AGBL1: variants seen among roughly 807,000 people sequenced by gnomAD.
AGBL1 encodes cytosolic carboxypeptidase 4.
Under a neutral mutation model 118.9 loss-of-function variants are expected in AGBL1, and 130 were observed. The observed-to-expected ratio is 1.09, with a 90% CI of 0.95 to 1.26. The LOEUF (loss-of-function observed/expected upper bound fraction) is 1.26, where lower values mean the gene tolerates loss of function less well. Ranked by LOEUF, AGBL1 falls within the 50% of genes most tolerant of loss-of-function variation. AGBL1 has a pLI of 0.00. For missense variants in AGBL1, 1,584 were observed against 1,298.1 expected, an observed-to-expected ratio of 1.22 and a Z score of -3.38; for synonymous variants, 555 against 478.9, an observed-to-expected ratio of 1.16 and a Z score of -2.08.
At chr15:86,829,675 G>A (rs2079076894) in intron 22 of AGBL1, among the ~76,000 whole-genome samples, 1 of 152,170 alleles carries the variant, frequency 6.6e-6, no homozygotes, top group Non-Finnish European at 1.5e-5. Flanking sequence ...TAGGATTCTG[G>A]AAGAAATTAA....
chr15:86,914,427 A>T lies in AGBL1; in HGVS notation c.*7133A>T, dbSNP rs541669006. 1 of 152,160 alleles carries T rather than the reference A, an allele frequency of 6.6e-6. No homozygotes were observed. The highest frequency in any genetic ancestry group is 1.5e-5 in the Non-Finnish European group (1 of 68,024). The allele number at this position is 152,160 out of a possible 1,614,324, so 9.4% of individuals were successfully genotyped here. On this transcript the variant is annotated 3_prime_UTR_variant, in exon 23 of 23. Transcript: ENST00000614907. ...ATGAAGTGCACCCATACTTAAAGAG[A>T]CACGTTTAGTAAATGATAGAGCTGG... is the stretch of plus-strand genomic sequence containing the variant.
chr15:86,522,197 A>G (rs1383406446), intron 18 of AGBL1, among the ~76,000 whole-genome samples: 2 of 152,284 alleles, frequency 1.3e-5, no homozygotes, highest in African/African-American at 4.8e-5. Context: ...CTAATATACC[A>G]TGATGATATA....
intron 21 of AGBL1, among the ~76,000 whole-genome samples, chr15:86,560,324 G>A (rs1321139004): frequency 7.1e-6 from 1 of 140,088 alleles, no homozygotes; most frequent in Non-Finnish European, 1.5e-5. Context: ...GGTGTGTGAT[G>A]TTCCCCTTCC....
chr15:86,257,993 G>A lies in AGBL1; in HGVS notation c.931G>A (p.Val311Met). Residue 311 changes from valine (V) to methionine (M), a missense_variant, in exon 9 of 23, where the codon GTG (valine) becomes ATG (methionine). Val to Met is a conservative substitution (Grantham distance 21). Coordinates refer to ENST00000614907, the MANE Select transcript of AGBL1 (RefSeq NM_001386094.1). ...EDFEDDGDDEVDKDSDTEDGK... is the reference protein window; with the variant it reads ...EDFEDDGDDEMDKDSDTEDGK... ...TTTTGAAGATGATGGCGATGATGAAGTGGACAAAGACTCTGATACTGAAGA... is the reference window on the plus strand; with the variant it reads ...TTTTGAAGATGATGGCGATGATGAAATGGACAAAGACTCTGATACTGAAGA... The A allele has an allele frequency of 6.2e-7, 1 of 1,613,786 alleles. No homozygotes were observed. The highest frequency in any genetic ancestry group is 1.7e-5 in the Admixed American group (1 of 59,956).
chr15:86,756,229 G>A (rs2077937784), intron 22 of AGBL1, among the ~76,000 whole-genome samples: 2 of 150,744 alleles, frequency 1.3e-5, no homozygotes, highest in Admixed American at 1.3e-4. Flanking sequence ...TGAAATTCCA[G>A]TAGTGCCCCC....
chr15:86,928,197 T>C (rs925055836), intron 23 of AGBL1, among the ~76,000 whole-genome samples: 1 of 152,172 alleles, frequency 6.6e-6, no homozygotes, highest in African/African-American at 2.4e-5. Context: ...AAGAACAATA[T>C]GCAAACTCAA....
At chr15:86,634,079 C>T (rs1394353397) in intron 21 of AGBL1, among the ~76,000 whole-genome samples, 4 of 151,816 alleles carry the variant, frequency 2.6e-5, no homozygotes, top group South Asian at 2.1e-4. Flanking sequence ...TTGGCAAGGA[C>T]GTGGGGAAAT....
At chr15:86,358,125 T>C (rs1485727868) in intron 17 of AGBL1, among the ~76,000 whole-genome samples, 2 of 152,088 alleles carry the variant, frequency 1.3e-5, no homozygotes, top group Non-Finnish European at 2.9e-5. Flanking sequence ...ACAGTGGGTA[T>C]TCAGAATTTA....
intron 23 of AGBL1, among the ~76,000 whole-genome samples, chr15:86,969,606 T>G (rs2081087622): frequency 6.6e-6 from 1 of 152,030 alleles, no homozygotes; most frequent in Non-Finnish European, 1.5e-5. Context: ...CGTGGGAATG[T>G]GTATGTGGGC....
At chr15:86,750,536 C>G (rs1442148479) in intron 22 of AGBL1, among the ~76,000 whole-genome samples, 3 of 151,796 alleles carry the variant, frequency 2.0e-5, no homozygotes, top group African/African-American at 7.3e-5. Context: ...GAAAAACAAT[C>G]CTGGCAGGAA....
chr15:86,158,138 C>A (rs1415236220), intron 4 of AGBL1, among the ~76,000 whole-genome samples: 1 of 152,176 alleles, frequency 6.6e-6, no homozygotes, highest in Non-Finnish European at 1.5e-5. Flanking sequence ...ACTTCATGTA[C>A]TAGCCTCAGG....
intron 19 of AGBL1, among the ~76,000 whole-genome samples, chr15:86,528,844 G>T (rs1196724890): frequency 1.0e-4 from 2 of 19,896 alleles, no homozygotes; most frequent in Non-Finnish European, 1.8e-4. Flanking sequence ...CCCAGCAGGG[G>T]CACACTGACA....
At chr15:86,964,923 C>CTTT (rs2081034277) in intron 23 of AGBL1, among the ~76,000 whole-genome samples, 1 of 151,988 alleles carries the variant, frequency 6.6e-6, no homozygotes, top group Non-Finnish European at 1.5e-5. Context: ...AGAATAATGG[C>CTTT]TTACAGCTTC....
In AGBL1 at chr15:86,221,362, G is replaced by T. The variant is rs183975634; in HGVS notation, c.489-3552G>T. On this transcript the variant is annotated intron_variant, in intron 5 of 22. Transcript: ENST00000614907. ...TCACGCACTCAATACAATGGGCTTG[G>T]CTCTTGGAGTGGAAGTAACTGAATG... 2.6e-5 allele frequency among the ~76,000 whole-genome samples: 4 copies of T among 152,340 alleles called. No individual in the cohort carries two copies. In the East Asian group the frequency reaches 7.7e-4, roughly 29 times the overall value.
At chr15:86,267,230 C>T (rs978128037) in intron 13 of AGBL1, among the ~76,000 whole-genome samples, 154 bp downstream of exon 13, 2 of 152,062 alleles carry the variant, frequency 1.3e-5, no homozygotes, top group Non-Finnish European at 2.9e-5. Flanking sequence ...GCAAACAGTA[C>T]GAGTGAAGGT....
chr15:86,651,046 T>A (rs1567103616), intron 21 of AGBL1, among the ~76,000 whole-genome samples: 1 of 152,218 alleles, frequency 6.6e-6, no homozygotes, highest in Non-Finnish European at 1.5e-5. Flanking sequence ...CACTGAAGTG[T>A]CTTTAAGACA....
At chr15:86,119,633 G>A (rs1897970359) in intron 1 of AGBL1, among the ~76,000 whole-genome samples, 1 of 151,236 alleles carries the variant, frequency 6.6e-6, no homozygotes, top group Non-Finnish European at 1.5e-5. Context: ...AAAAATGGAA[G>A]AGCATATCTC....
chr15:86,764,169 A>G (rs16977962), intron 22 of AGBL1, among the ~76,000 whole-genome samples: 1,535 of 152,072 alleles, frequency 0.01, 36 homozygotes, highest in African/African-American at 0.035. Flanking sequence ...ACTGCTTGGA[A>G]CCATTGAACC....
At chr15:86,225,128 G>A (rs1255715576) in intron 6 of AGBL1, among the ~76,000 whole-genome samples, 177 bp downstream of exon 6, 1 of 151,674 alleles carries the variant, frequency 6.6e-6, no homozygotes, top group African/African-American at 2.4e-5. Context: ...GTCTTTGGGG[G>A]TAAGATAGAG....
Sources: gnomAD v4.1 joint callset for allele counts (sites outside exome capture counted in the v4.1 genomes callset) on GRCh38, gnomAD v4.1.1 for gene constraint, MANE v1.5 for transcripts, NCBI Gene and HGNC (gene_info 2026-07-23, HGNC 2026-07-21) for gene names.